The following FAM13C variants were observed in gnomAD, a reference collection of about 807,000 sequenced individuals.
FAM13C encodes the protein family with sequence similarity 13 member C.
Under a neutral mutation model 73.2 loss-of-function variants are expected in FAM13C, and 37 were observed. The observed-to-expected ratio is 0.51, with a 90% CI of 0.39 to 0.67. The LOEUF (loss-of-function observed/expected upper bound fraction) is 0.67. FAM13C is among the 30% of genes least tolerant of loss of function. FAM13C has a pLI of 0.00. For missense variants in FAM13C, 589 were observed against 715.6 expected (o/e 0.82, Z 2.02); for synonymous variants, 246 against 260.9 (o/e 0.94, Z 0.55).
intron 4 of FAM13C, among the ~76,000 whole-genome samples, chr10:59,320,484 T>G (rs1189259447): frequency 6.6e-6 from 1 of 152,192 alleles, no homozygotes; most frequent in Admixed American, 6.6e-5. Flanking sequence ...GCAAGCCAGC[T>G]TGGAAGTAGA....
At chr10:59,301,558 T>C (rs1248217780) in intron 5 of FAM13C, among the ~76,000 whole-genome samples, 1 of 152,226 alleles carries the variant, frequency 6.6e-6, no homozygotes, top group Non-Finnish European at 1.5e-5. Context: ...AAAAACAGTT[T>C]CTCCCAAATA....
At chr10:59,301,818 C>T (rs1182097035) in intron 5 of FAM13C, among the ~76,000 whole-genome samples, 3 of 152,182 alleles carry the variant, frequency 2.0e-5, no homozygotes, top group African/African-American at 7.2e-5. Flanking sequence ...GTGTTCTTAT[C>T]TTTAGGACAC....
At chr10:59,317,987 C>T (rs1377130425) in intron 4 of FAM13C, among the ~76,000 whole-genome samples, 1 of 151,642 alleles carries the variant, frequency 6.6e-6, no homozygotes, top group East Asian at 1.9e-4. Context: ...ATCCAGAAGC[C>T]CCTTTCATAC....
rs185360546 is a variant in FAM13C at position 59,344,086 on chromosome 10, C to T, written c.324+8184G>A. 5.8e-3 allele frequency among the ~76,000 whole-genome samples: 869 copies of T among 150,650 alleles called. 10 individuals carry two copies. The highest frequency in any genetic ancestry group is 0.02 in the African/African-American group (830 of 41,042). ...CCGCCATTCTTCTGCCTCAGCTTCC[C>T]GAGTAGCTGGGACTACAGGCACCCG... is the stretch of plus-strand genomic sequence containing the variant. On this transcript the variant is annotated intron_variant, in intron 3 of 13. Transcript: ENST00000618804.
chr10:59,342,023 T>C (rs1020459866), intron 3 of FAM13C, among the ~76,000 whole-genome samples: 1 of 152,194 alleles, frequency 6.6e-6, no homozygotes, highest in Non-Finnish European at 1.5e-5. Context: ...ACCATTGTTC[T>C]GTATATTTGT....
At chr10:59,257,502 A>G (rs931353349) in intron 10 of FAM13C, among the ~76,000 whole-genome samples, 8 of 152,344 alleles carry the variant, frequency 5.3e-5, no homozygotes, top group South Asian at 2.1e-4. Flanking sequence ...AATTATCCCC[A>G]TAAATGAGAT....
intron 5 of FAM13C, among the ~76,000 whole-genome samples, chr10:59,292,859 T>C (rs903008882): frequency 3.3e-5 from 5 of 152,162 alleles, no homozygotes; most frequent in African/African-American, 7.2e-5. Context: ...CAAAATCTTC[T>C]CTCCTAGCTA....
intron 1 of FAM13C, chr10:59,361,095 T>TC (rs1856361180): frequency 7.8e-7 from 1 of 1,289,118 alleles, no homozygotes; most frequent in Admixed American, 2.3e-5. Context: ...CACACCTCTC[T>TC]CCCCTTCTCT....
In FAM13C at chr10:59,257,858, A is replaced by G. The variant is rs563526397; in HGVS notation, c.1237-3415T>C. On this transcript the variant is annotated intron_variant, in intron 10 of 13. Transcript: ENST00000618804. ...GCTTCAAAACTTATAAACTGTTTTTAACATTACAAATATGTAATATTTGAA... is the reference window on the plus strand; with the variant it reads ...GCTTCAAAACTTATAAACTGTTTTTGACATTACAAATATGTAATATTTGAA... 2.3e-4 allele frequency among the ~76,000 whole-genome samples: 35 copies of G among 152,354 alleles called. 2 individuals carry two copies. The South Asian group carries it at 7.0e-3, about 31-fold the overall frequency.
chr10:59,311,826 A>AC (rs1848960740), intron 4 of FAM13C, among the ~76,000 whole-genome samples: 1 of 152,102 alleles, frequency 6.6e-6, no homozygotes, highest in African/African-American at 2.4e-5. Flanking sequence ...CCTCAGAGAG[A>AC]CCCCAGTTGC....
intron 3 of FAM13C, among the ~76,000 whole-genome samples, chr10:59,335,341 A>T (rs372202856): frequency 2.0e-5 from 3 of 152,284 alleles, no homozygotes; most frequent in African/African-American, 7.2e-5. Context: ...AAGCCTAAGG[A>T]CCTACGAGAC....
At chr10:59,265,292 G>T (rs1256057135) in intron 8 of FAM13C, among the ~76,000 whole-genome samples, 1 of 143,618 alleles carries the variant, frequency 7.0e-6, no homozygotes, top group Non-Finnish European at 1.5e-5. Flanking sequence ...TTCCCTGAGG[G>T]ATGGCAGAGG....
intron 2 of FAM13C, among the ~76,000 whole-genome samples, chr10:59,352,893 C>T (rs72808597): frequency 0.11 from 16,939 of 152,226 alleles, 1,252 homozygotes; most frequent in East Asian, 0.32. Flanking sequence ...CTAATCCACA[C>T]AGACCCAGAG....
At chr10:59,264,204 G>C (rs755787039) in intron 8 of FAM13C, 38 bp from the exon 9 acceptor site, 1 of 1,094,332 alleles carries the variant, frequency 9.1e-7, no homozygotes, top group Non-Finnish European at 1.4e-6. Flanking sequence ...GGAAGGGAGG[G>C]AAGGAGGGAG....
chr10:59,362,557 C>T (rs748612760), upstream of FAM13C: 7 of 1,555,448 alleles, frequency 4.5e-6, no homozygotes, highest in South Asian at 8.3e-5. Context: ...TCCGGGCTCG[C>T]CCGGCACGCT....
At position 59,247,393 on chromosome 10, in the gene FAM13C, A is replaced by T. The variant is rs1840805457; in HGVS notation, c.*221T>A. On this transcript the variant is annotated 3_prime_UTR_variant, in exon 14 of 14. Transcript: ENST00000618804. ...TTTCTGCTTGGCATGGAGGACACTG[A>T]ATTTTTTCCCAATTATATGGCTACC... 1.9e-6 allele frequency: 1 copy of T among 528,616 alleles called. No individual in the cohort carries two copies. Among genetic ancestry groups the T allele is most frequent in the Non-Finnish European group, 3.3e-6 (1 of 303,642 alleles). 32.7% of individuals were successfully genotyped at this position (528,616 alleles called of 1,614,324 possible). A position where few individuals can be genotyped will look rare whatever the true frequency, so the allele number is the denominator to read the frequency against.
At chr10:59,254,044 T>C (rs924167034) in intron 11 of FAM13C, 64 of 343,334 alleles carry the variant, frequency 1.9e-4, no homozygotes, top group Non-Finnish European at 2.7e-4. Context: ...GTGTTACAAA[T>C]TAGAAAATGC....
At chr10:59,297,811 A>G (rs1464385492) in intron 5 of FAM13C, among the ~76,000 whole-genome samples, 1 of 152,116 alleles carries the variant, frequency 6.6e-6, no homozygotes, top group Non-Finnish European at 1.5e-5. Context: ...CTATGTTCCT[A>G]CAGTGAGTCA....
intron 6 of FAM13C, among the ~76,000 whole-genome samples, chr10:59,278,192 T>A (rs1040927641): frequency 6.6e-6 from 1 of 152,076 alleles, no homozygotes; most frequent in Non-Finnish European, 1.5e-5. Context: ...ATGATTCAAT[T>A]ACCTCCCACC....
Sources: allele counts gnomAD v4.1 joint callset (sites outside exome capture counted in the v4.1 genomes callset), GRCh38; gene constraint gnomAD v4.1.1; transcripts MANE v1.5; gene names NCBI Gene and HGNC (gene_info 2026-07-23, HGNC 2026-07-21).